The following TEX36 variants were observed in gnomAD, a reference collection of about 807,000 sequenced individuals.
The protein encoded by TEX36 is testis-expressed protein 36.
TEX36 carries 12 observed loss-of-function variants against 13.6 expected under a neutral mutation model. The observed-to-expected ratio is 0.88, with a 90% CI of 0.56 to 1.43. TEX36 has a LOEUF of 1.43. TEX36 is among the 40% of genes most tolerant of loss of function. The pLI is 0.00. For synonymous variants in TEX36, 93 were observed against 83.0 expected, an observed-to-expected ratio of 1.12 and a Z score of -0.65; for missense variants, 224 against 228.3, an observed-to-expected ratio of 0.98 and a Z score of 0.12.
chr10:125,636,369 C>T (rs1035608000), intron 3 of TEX36, among the ~76,000 whole-genome samples: 394 of 147,506 alleles, frequency 2.7e-3, no homozygotes, highest in African/African-American at 8.0e-3. Flanking sequence ...CCACACCCGG[C>T]TAATTTTTTT....
At chr10:125,662,560 T>C (rs1013698157) in intron 1 of TEX36, among the ~76,000 whole-genome samples, 18 of 152,114 alleles carry the variant, frequency 1.2e-4, no homozygotes, top group African/African-American at 3.6e-4. Context: ...ATCTAGAATA[T>C]GTCCTTGCAA....
intron 3 of TEX36, among the ~76,000 whole-genome samples, chr10:125,644,220 T>A (rs1211522185): frequency 3.9e-5 from 6 of 152,212 alleles, no homozygotes; most frequent in Non-Finnish European, 8.8e-5. Context: ...AGCCACTTAG[T>A]AAGCTGGAAG....
intron 3 of TEX36, among the ~76,000 whole-genome samples, chr10:125,592,812 G>T (rs768956690): frequency 2.9e-4 from 44 of 152,294 alleles, no homozygotes; most frequent in South Asian, 6.2e-4. Flanking sequence ...AATTCAGGGA[G>T]CACTTTACTT....
intron 3 of TEX36, among the ~76,000 whole-genome samples, chr10:125,598,374 G>A (rs891338512): frequency 6.6e-6 from 1 of 152,174 alleles, no homozygotes; most frequent in African/African-American, 2.4e-5. Flanking sequence ...TGGTAACCCT[G>A]TCTGGGTGAT....
downstream of TEX36, among the ~76,000 whole-genome samples, chr10:125,654,086 T>A (rs1039872250): frequency 6.6e-6 from 1 of 152,192 alleles, no homozygotes; most frequent in Non-Finnish European, 1.5e-5. Flanking sequence ...GGAAATGACA[T>A]AAAAGAATTA....
At chr10:125,596,940 T>C (rs757609568) in intron 3 of TEX36, among the ~76,000 whole-genome samples, 2 of 152,222 alleles carry the variant, frequency 1.3e-5, no homozygotes, top group Non-Finnish European at 2.9e-5. Context: ...GCCTCATCTG[T>C]AAAATGGGTT....
intron 1 of TEX36, among the ~76,000 whole-genome samples, chr10:125,677,319 C>CT: frequency 6.6e-6 from 1 of 152,274 alleles, no homozygotes; most frequent in South Asian, 2.1e-4. Flanking sequence ...TCTCTTTTCT[C>CT]TGGAGGATCC....
intron 3 of TEX36, among the ~76,000 whole-genome samples, chr10:125,603,114 G>A (rs1418874758): frequency 1.3e-5 from 2 of 152,184 alleles, no homozygotes; most frequent in Admixed American, 1.3e-4. Flanking sequence ...TTTCAGGAGC[G>A]ATGACCATCT....
chr10:125,580,482 T>C (rs988792895), intron 3 of TEX36, among the ~76,000 whole-genome samples: 1 of 152,208 alleles, frequency 6.6e-6, no homozygotes, highest in African/African-American at 2.4e-5. Flanking sequence ...GCTTCCTGCC[T>C]GTCCCAGTGC....
intron 3 of TEX36, among the ~76,000 whole-genome samples, chr10:125,613,802 G>A (rs1471666990): frequency 6.6e-6 from 1 of 152,092 alleles, no homozygotes; most frequent in African/African-American, 2.4e-5. Flanking sequence ...ACCCAGTAAT[G>A]GGATGGCTGG....
chr10:125,581,289 A>C (rs1368878461), intron 3 of TEX36, among the ~76,000 whole-genome samples: 2 of 152,120 alleles, frequency 1.3e-5, no homozygotes, highest in East Asian at 1.9e-4. Flanking sequence ...AGTACCGAGA[A>C]GATGCTGATG....
At chr10:125,582,294 TTTAACTGTATC>T (rs1333663206) in intron 3 of TEX36, among the ~76,000 whole-genome samples, 1 of 152,214 alleles carries the variant, frequency 6.6e-6, no homozygotes, top group African/African-American at 2.4e-5. Context: ...ACTCCCATAA[TTTAACTGTATC>T]TTCTTAACCT....
chr10:125,677,744 C>A (rs149699278), intron 1 of TEX36, among the ~76,000 whole-genome samples: 2,703 of 152,118 alleles, frequency 0.018, 96 homozygotes, highest in African/African-American at 0.062. Context: ...TGCAGTGGTG[C>A]GATCTTGGCT....
chr10:125,639,864 T>C (rs1047134346), intron 3 of TEX36, among the ~76,000 whole-genome samples: 24 of 152,202 alleles, frequency 1.6e-4, no homozygotes, highest in Non-Finnish European at 3.4e-4. Context: ...TCAATCCTCT[T>C]TGGGAACTAT....
At chr10:125,680,618 T>G (rs75296169) in intron 1 of TEX36, among the ~76,000 whole-genome samples, 2 of 152,344 alleles carry the variant, frequency 1.3e-5, no homozygotes, top group East Asian at 3.9e-4. Context: ...GCAAAATGAC[T>G]GTCACCTCTA....
At chr10:125,662,509 G>A (rs1847061333) in intron 1 of TEX36, among the ~76,000 whole-genome samples, 1 of 152,084 alleles carries the variant, frequency 6.6e-6, no homozygotes, top group Non-Finnish European at 1.5e-5. Context: ...AAAAAGAGGG[G>A]GTAGAAGGAT....
chr10:125,641,129 A>G (rs1243001992), intron 3 of TEX36, among the ~76,000 whole-genome samples: 4 of 152,210 alleles, frequency 2.6e-5, no homozygotes, highest in Non-Finnish European at 5.9e-5. Flanking sequence ...ACTGCAATGT[A>G]GAAATTGTTC....
At chr10:125,631,304 CG>C (rs1380478472) in intron 3 of TEX36, among the ~76,000 whole-genome samples, 1 of 152,010 alleles carries the variant, frequency 6.6e-6, no homozygotes, top group African/African-American at 2.4e-5. Flanking sequence ...TAAAAAATAG[CG>C]GGTATTTAGG....
chr10:125,642,163 G>T (rs1347166615), intron 3 of TEX36, among the ~76,000 whole-genome samples: 1 of 152,170 alleles, frequency 6.6e-6, no homozygotes, highest in East Asian at 1.9e-4. Flanking sequence ...CACAAGTGAG[G>T]ATTTTGTGAG....
Sources: gnomAD v4.1 joint callset for allele counts (sites outside exome capture counted in the v4.1 genomes callset) on GRCh38, gnomAD v4.1.1 for gene constraint, MANE v1.5 for transcripts, NCBI Gene and HGNC (gene_info 2026-07-23, HGNC 2026-07-21) for gene names.